The following LEPR variants were observed in gnomAD, a reference collection of about 807,000 sequenced individuals.
LEPR encodes leptin receptor.
LEPR carries 56 observed loss-of-function variants against 114.7 expected under a neutral mutation model. That is an observed-to-expected ratio of 0.49 (90% CI 0.39 to 0.61). LEPR has a LOEUF of 0.61. LEPR is among the 20% of genes least tolerant of loss of function. The probability of loss-of-function intolerance (pLI) is 0.00; values close to 1 mark genes in which losing one functional copy is unlikely to be tolerated. For synonymous variants in LEPR, 443 were observed against 461.4 expected, an observed-to-expected ratio of 0.96 and a Z score of 0.51; for missense variants, 1,202 against 1,352.9, an observed-to-expected ratio of 0.89 and a Z score of 1.75.
chr1:65,610,792 C>G (rs554994245), intron 14 of LEPR, among the ~76,000 whole-genome samples: 10 of 152,346 alleles, frequency 6.6e-5, no homozygotes, highest in African/African-American at 1.4e-4. Flanking sequence ...AAAGCATCCT[C>G]TCCCAAATGA....
At chr1:65,480,449 A>G (rs1486088048) in intron 2 of LEPR, among the ~76,000 whole-genome samples, 2 of 152,192 alleles carry the variant, frequency 1.3e-5, no homozygotes, top group African/African-American at 4.8e-5. Context: ...ATATAATGGA[A>G]GGGAGACAAA....
At chr1:65,565,906 C>T (rs928953225) in intron 3 of LEPR, among the ~76,000 whole-genome samples, 2 of 152,010 alleles carry the variant, frequency 1.3e-5, no homozygotes, top group Non-Finnish European at 2.9e-5. Flanking sequence ...CACAGACACA[C>T]TCATATCTAT....
intron 2 of LEPR, among the ~76,000 whole-genome samples, chr1:65,426,781 G>A (rs12094974): frequency 0.076 from 11,471 of 151,898 alleles, 527 homozygotes; most frequent in African/African-American, 0.12. Context: ...GGCAGATCAC[G>A]AGGTCAAGAG....
chr1:65,552,608 CAAAG>C (rs1652481660), intron 2 of LEPR, among the ~76,000 whole-genome samples: 1 of 152,042 alleles, frequency 6.6e-6, no homozygotes, highest in Non-Finnish European at 1.5e-5. Context: ...GTCTCACATG[CAAAG>C]GCATGTGAGA....
At chr1:65,442,776 G>A (rs553705301) in intron 2 of LEPR, among the ~76,000 whole-genome samples, 2 of 152,102 alleles carry the variant, frequency 1.3e-5, no homozygotes, top group African/African-American at 2.4e-5. Context: ...AACCAACCTG[G>A]GAATACAAAG....
At chr1:65,588,329 A>G (rs1430126126) in intron 5 of LEPR, among the ~76,000 whole-genome samples, 2 of 151,506 alleles carry the variant, frequency 1.3e-5, no homozygotes, top group African/African-American at 4.8e-5. Context: ...TGACCTACTT[A>G]TTTGAAGGTT....
At chr1:65,620,903 G>A (rs1657839497) in intron 17 of LEPR, among the ~76,000 whole-genome samples, 1 of 152,152 alleles carries the variant, frequency 6.6e-6, no homozygotes, top group Non-Finnish European at 1.5e-5. Context: ...TCCAGGCAAA[G>A]GGACAGTGTG....
chr1:65,426,736 C>T (rs746592371), intron 2 of LEPR, among the ~76,000 whole-genome samples: 2 of 152,174 alleles, frequency 1.3e-5, no homozygotes, highest in African/African-American at 4.8e-5. Context: ...CCATGGCTCA[C>T]GCCTGTAATC....
chr1:65,432,504 CT>C, intron 2 of LEPR: 2 of 639,698 alleles, frequency 3.1e-6, no homozygotes, highest in Non-Finnish European at 3.9e-6. Flanking sequence ...TCACACCCAA[CT>C]TCCTTATCTT....
chr1:65,574,334 A>G (rs546774143), intron 5 of LEPR, among the ~76,000 whole-genome samples: 44 of 152,250 alleles, frequency 2.9e-4, no homozygotes, highest in Non-Finnish European at 5.4e-4. Flanking sequence ...CCAACATGGC[A>G]CATGTATACA....
At chr1:65,573,270 C>T (rs1300780077) in intron 5 of LEPR, among the ~76,000 whole-genome samples, 1 of 152,192 alleles carries the variant, frequency 6.6e-6, no homozygotes, top group Non-Finnish European at 1.5e-5. Context: ...TGGCCTGATT[C>T]TTGACCGAAG....
chr1:65,512,314 T>C (rs1178527707), intron 2 of LEPR, among the ~76,000 whole-genome samples: 1 of 152,114 alleles, frequency 6.6e-6, no homozygotes, highest in Non-Finnish European at 1.5e-5. Context: ...GGATTACAAC[T>C]GGACATGAGA....
At chr1:65,472,840 G>A (rs1478355088) in intron 2 of LEPR, among the ~76,000 whole-genome samples, 1 of 152,138 alleles carries the variant, frequency 6.6e-6, no homozygotes, top group Non-Finnish European at 1.5e-5. Flanking sequence ...TGGTTGGTTA[G>A]TACATTTTTG....
chr1:65,537,982 A>T (rs534285241), intron 2 of LEPR, among the ~76,000 whole-genome samples: 61 of 152,292 alleles, frequency 4.0e-4, no homozygotes, highest in African/African-American at 1.4e-3. Context: ...GGATTATTTA[A>T]TTCTAGCATT....
chr1:65,575,351 C>T (rs1654510812), intron 5 of LEPR, among the ~76,000 whole-genome samples: 1 of 147,392 alleles, frequency 6.8e-6, no homozygotes, highest in Non-Finnish European at 1.5e-5. Flanking sequence ...TTCATTGGCT[C>T]ATTGGCTACT....
intron 2 of LEPR, among the ~76,000 whole-genome samples, chr1:65,488,158 TC>T: frequency 1.1e-5 from 1 of 87,346 alleles, no homozygotes. Context: ...CTTCCTTCCT[TC>T]CTTTCTTTCT....
intron 6 of LEPR, 108 bp downstream of exon 6, chr1:65,592,973 C>A: frequency 8.1e-7 from 1 of 1,241,840 alleles, no homozygotes; most frequent in Non-Finnish European, 1.1e-6. Flanking sequence ...TTGCTTAACA[C>A]TGTAATGATG....
At chr1:65,502,651 A>T (rs1162402890) in intron 2 of LEPR, among the ~76,000 whole-genome samples, 1 of 152,198 alleles carries the variant, frequency 6.6e-6, no homozygotes, top group African/African-American at 2.4e-5. Context: ...AAATCATCAT[A>T]TAGAAAGTTG....
intron 2 of LEPR, among the ~76,000 whole-genome samples, chr1:65,526,624 TC>T (rs1271747716): frequency 6.6e-6 from 1 of 152,136 alleles, no homozygotes; most frequent in Non-Finnish European, 1.5e-5. Flanking sequence ...AAATACCCTT[TC>T]ACGGCTCTGG....
Sources: allele counts gnomAD v4.1 joint callset (sites outside exome capture counted in the v4.1 genomes callset), GRCh38; gene constraint gnomAD v4.1.1; transcripts MANE v1.5; gene names NCBI Gene and HGNC (gene_info 2026-07-23, HGNC 2026-07-21).